Variants in GFRAL observed in about 807,000 individuals in gnomAD.
GFRAL encodes the protein GDNF family receptor alpha like, also known as GDNF family receptor alpha-like.
In GFRAL, 36 loss-of-function variants were observed where a neutral mutation model predicts 45.4. The observed-to-expected ratio is 0.79, with a 90% confidence interval of 0.61 to 1.05. The LOEUF is 1.05. GFRAL is among the 50% of genes least tolerant of loss of function. GFRAL has a pLI of 0.00. For missense variants in GFRAL, 507 were observed against 467.5 expected, an observed-to-expected ratio of 1.08 and a Z score of -0.78; for synonymous variants, 166 against 154.1, an observed-to-expected ratio of 1.08 and a Z score of -0.57.
intron 6 of GFRAL, among the ~76,000 whole-genome samples, chr6:55,362,599 A>T (rs1190786080): frequency 6.6e-6 from 1 of 152,052 alleles, no homozygotes; most frequent in Non-Finnish European, 1.5e-5. Flanking sequence ...GAGCCATGGA[A>T]GAGAGAGAAG....
chr6:55,391,345 A>G (rs112090942), intron 6 of GFRAL, among the ~76,000 whole-genome samples: 24 of 152,314 alleles, frequency 1.6e-4, no homozygotes, highest in African/African-American at 5.8e-4. Context: ...ATGCTTAATA[A>G]TGATACAATT....
chr6:55,351,069 C>T (rs1040029521), intron 4 of GFRAL, among the ~76,000 whole-genome samples, 184 bp from the exon 5 acceptor site: 12 of 151,970 alleles, frequency 7.9e-5, no homozygotes, highest in Admixed American at 6.6e-5. Flanking sequence ...AAGATGATTC[C>T]AATAAGTCTA....
intron 5 of GFRAL, among the ~76,000 whole-genome samples, chr6:55,353,109 A>G (rs147551529): frequency 0.013 from 2,013 of 152,118 alleles, 25 homozygotes; most frequent in Non-Finnish European, 0.022. Flanking sequence ...GAGAAATAGG[A>G]GCGAGATAAG....
chr6:55,359,479 G>C (rs2127357403), intron 6 of GFRAL, among the ~76,000 whole-genome samples: 1 of 152,042 alleles, frequency 6.6e-6, no homozygotes, highest in South Asian at 2.1e-4. Flanking sequence ...TCTATACTAA[G>C]TAACAAAACA....
rs1410671645 is a variant in GFRAL, at chr6:55,331,715, C to T, written c.23C>T (p.Ala8Val). The T allele has an allele frequency of 6.2e-7, 1 of 1,604,392 alleles. No homozygotes were observed. Among genetic ancestry groups the T allele is most frequent in the African/African-American group, 1.3e-5 (1 of 74,518 alleles). ...CTTGTTTTTGTTGTTGTTATTCAAGCTATGGGGTTAAGCTTGGAAAATGAA... is the reference window on the plus strand; with the variant it reads ...CTTGTTTTTGTTGTTGTTATTCAAGTTATGGGGTTAAGCTTGGAAAATGAA... The part of the protein sequence containing the change: MIVFIFL[A>V]MGLSLENEYT... The change falls in exon 2 of 9, where the codon GCT becomes GTT. Residue 8 changes from alanine to valine, a missense_variant and splice_region_variant. Transcript: ENST00000340465.
chr6:55,388,206 C>T (rs1048938475), intron 6 of GFRAL, among the ~76,000 whole-genome samples: 1 of 152,052 alleles, frequency 6.6e-6, no homozygotes, highest in Non-Finnish European at 1.5e-5. Flanking sequence ...CAGACATTAA[C>T]TGTAGACACA....
At chr6:55,333,739 A>C in intron 2 of GFRAL, 47 bp from the exon 3 acceptor site, 11 of 1,304,346 alleles carry the variant, frequency 8.4e-6, no homozygotes, top group Non-Finnish European at 1.0e-5. Flanking sequence ...AAGAATCCAA[A>C]ATTATAATCA....
At position 55,343,298 on chromosome 6, in the gene GFRAL, G is replaced by A. The variant is rs181086072; in HGVS notation, c.317-6794G>A. ...GGAAGTAAAGCACTCCTTGGCAAAC[G>A]TAAAAGAACACAAATTATAACAAAC... On this transcript the variant is annotated intron_variant, in intron 3 of 8. Coordinates refer to ENST00000340465, the MANE Select transcript of GFRAL (RefSeq NM_207410.2). Among the ~76,000 whole-genome samples, 120 of 152,258 alleles carry A rather than the reference G, an allele frequency of 7.9e-4. 2 individuals carry two copies. The highest frequency in any genetic ancestry group is 3.4e-3 in the Middle Eastern group (1 of 294).
chr6:55,376,947 T>C (rs1212678223), intron 6 of GFRAL, among the ~76,000 whole-genome samples: 1 of 151,970 alleles, frequency 6.6e-6, no homozygotes, highest in Non-Finnish European at 1.5e-5. Flanking sequence ...AGTAGTCGGC[T>C]TTTTCAATGT....
intron 5 of GFRAL, among the ~76,000 whole-genome samples, chr6:55,355,486 A>G (rs1768178999): frequency 6.6e-6 from 1 of 151,954 alleles, no homozygotes. Context: ...ATTTGTAGCT[A>G]TTGTAAATGG....
At chr6:55,328,480 T>G (rs141785174) in intron 1 of GFRAL, among the ~76,000 whole-genome samples, 1,953 of 152,022 alleles carry the variant, frequency 0.013, 138 homozygotes, top group Admixed American at 0.11. Flanking sequence ...GGAAACAAGT[T>G]AAGAAGGAGA....
At position 55,358,874 on chromosome 6, in the gene GFRAL, C is replaced by T. The variant is rs1484313375; in HGVS notation, c.702-14C>T. The T allele has an allele frequency of 6.2e-7, 1 of 1,607,768 alleles. No individual in the cohort carries two copies. Among genetic ancestry groups the T allele is most frequent in the Non-Finnish European group, 8.5e-7 (1 of 1,175,950 alleles). ...CTATTCAAAACTAATTATTTTTCTT[C>T]ACTCTTTCTCTAGGAGGCACTATAG... On this transcript the variant is annotated splice_polypyrimidine_tract_variant and intron_variant, in intron 5 of 8. Coordinates refer to ENST00000340465, the MANE Select transcript of GFRAL (RefSeq NM_207410.2).
chr6:55,365,985 C>T (rs1197403277), intron 6 of GFRAL, among the ~76,000 whole-genome samples: 2 of 148,468 alleles, frequency 1.3e-5, no homozygotes, highest in Non-Finnish European at 3.0e-5. Context: ...CCCTCTTTTT[C>T]TATTGATTGG....
intron 3 of GFRAL, among the ~76,000 whole-genome samples, chr6:55,349,408 T>G (rs886808087): frequency 6.6e-6 from 1 of 152,092 alleles, no homozygotes; most frequent in Non-Finnish European, 1.5e-5. Flanking sequence ...TATGGATACA[T>G]TAGTGCTCCT....
At chr6:55,393,628 TA>T (rs1442056332) in intron 6 of GFRAL, among the ~76,000 whole-genome samples, 2 of 151,340 alleles carry the variant, frequency 1.3e-5, no homozygotes, top group East Asian at 3.9e-4. Flanking sequence ...TTTGGCAAAC[TA>T]AAAGGAAGTA....
chr6:55,350,009 T>TC (rs1337965185), intron 3 of GFRAL, 83 bp from the exon 4 acceptor site: 3 of 783,570 alleles, frequency 3.8e-6, no homozygotes, highest in Non-Finnish European at 4.5e-6. Context: ...TGGACTTTAC[T>TC]CATTTATAAA....
At chr6:55,353,035 G>A (rs1385528632) in intron 5 of GFRAL, among the ~76,000 whole-genome samples, 2 of 152,030 alleles carry the variant, frequency 1.3e-5, no homozygotes, top group Non-Finnish European at 2.9e-5. Context: ...TGACCAGCCA[G>A]TGCTTAGGAA....
chr6:55,352,337 T>C (rs1309528137), intron 5 of GFRAL, among the ~76,000 whole-genome samples: 3 of 151,968 alleles, frequency 2.0e-5, no homozygotes, highest in Non-Finnish European at 4.4e-5. Flanking sequence ...AGAAAAGGGA[T>C]AGAGAAAAGG....
At chr6:55,358,453 C>T (rs1768225672) in intron 5 of GFRAL, among the ~76,000 whole-genome samples, 1 of 151,894 alleles carries the variant, frequency 6.6e-6, no homozygotes, top group East Asian at 1.9e-4. Flanking sequence ...GTATAAAGCG[C>T]CTCCCATCCT....
Sources: gnomAD v4.1 joint callset for allele counts (sites outside exome capture counted in the v4.1 genomes callset) on GRCh38, gnomAD v4.1.1 for gene constraint, MANE v1.5 for transcripts, NCBI Gene and HGNC (gene_info 2026-07-23, HGNC 2026-07-21) for gene names.